The following ZBTB41 variants were observed in gnomAD, a reference collection of about 807,000 sequenced individuals.
ZBTB41 encodes the protein zinc finger and BTB domain-containing protein 41.
A neutral mutation model predicts 87.6 loss-of-function variants in ZBTB41; 42 were observed. The ratio of observed to expected loss-of-function variants is 0.48; its 90% CI spans 0.37 to 0.62. The LOEUF is 0.62. ZBTB41 is among the 20% of genes least tolerant of loss of function. The pLI, the probability that ZBTB41 is intolerant of heterozygous loss-of-function variation, is 0.00. For synonymous variants in ZBTB41, 364 were observed against 364.0 expected (o/e 1.00, Z 0.00); for missense variants, 799 against 1,078.9 (o/e 0.74, Z 3.63).
At chr1:197,180,688 C>T (rs552583378) in intron 6 of ZBTB41, among the ~76,000 whole-genome samples, 4 of 148,546 alleles carry the variant, frequency 2.7e-5, no homozygotes, top group Admixed American at 2.0e-4. Flanking sequence ...CATTTCTGTT[C>T]TCCCTATCTT....
In ZBTB41 at chr1:197,199,819, T is replaced by TA; in HGVS notation, c.654dup (p.Lys219Ter). 1.2e-6 allele frequency: 2 copies of TA among 1,610,772 alleles called. No homozygotes were observed. Among genetic ancestry groups the TA allele is most frequent in the Non-Finnish European group, 1.7e-6 (2 of 1,178,888 alleles). ...GCCAAATGATTCTCTAAAGACTTTT[T>TA]ATAACAAAAATGTCTACTACAGAAT... On this transcript the variant is annotated frameshift_variant, in exon 2 of 11. Coordinates refer to ENST00000367405, the MANE Select transcript of ZBTB41 (RefSeq NM_194314.3). LOFTEE classifies it high-confidence loss of function.
At chr1:197,163,997 G>A (rs1659258500) in intron 10 of ZBTB41, among the ~76,000 whole-genome samples, 1 of 151,874 alleles carries the variant, frequency 6.6e-6, no homozygotes. Flanking sequence ...TGGAAGAACA[G>A]TAAACAGTAA....
chr1:197,188,393 A>T lies in ZBTB41; in HGVS notation c.1445T>A (p.Met482Lys). 6.2e-7 allele frequency: 1 copy of T among 1,613,454 alleles called. No individual in the cohort carries two copies. Among genetic ancestry groups the T allele is most frequent in the Non-Finnish European group, 8.5e-7 (1 of 1,179,756 alleles). ...AGGTTTATCTTGAGAATGTAGAATC[A>T]TATGTTCCTCCAAGTGTGGTCTTCG... The part of the protein sequence containing the change: ...FTRRPHLEEH[M>K]ILHSQDKPFK... The change falls in exon 5 of 11, where the codon ATG becomes AAG. Residue 482 changes from methionine (M) to lysine (K), a missense_variant. Transcript: ENST00000367405.
chr1:197,164,124 A>C (rs192189918), intron 10 of ZBTB41, among the ~76,000 whole-genome samples: 6 of 152,242 alleles, frequency 3.9e-5, no homozygotes, highest in Admixed American at 1.3e-4. Flanking sequence ...ACAGATAAGA[A>C]AGATAAGGGT....
In ZBTB41 at chr1:197,199,745, C is replaced by A; in HGVS notation, c.729G>T (p.Met243Ile). The A allele has an allele frequency of 6.2e-7, 1 of 1,613,370 alleles. No homozygotes were observed. The highest frequency in any genetic ancestry group is 8.5e-7 in the Non-Finnish European group (1 of 1,179,860). Reference protein sequence around the residue: ...LLLGKKHGLKMLERSFSARRS... With the variant: ...LLLGKKHGLKILERSFSARRS... ...TTCTTGCGGAGAAACTTCTCTCCAGCATTTTTAACCCATGTTTTTTCCCTA... is the reference window on the plus strand; with the variant it reads ...TTCTTGCGGAGAAACTTCTCTCCAGAATTTTTAACCCATGTTTTTTCCCTA... Residue 243 changes from methionine to isoleucine, a missense_variant, in exon 2 of 11, where the codon ATG becomes ATT. By Grantham distance (10) the Met-to-Ile change is conservative (BLOSUM62 1). Coordinates refer to ENST00000367405, the MANE Select transcript of ZBTB41 (RefSeq NM_194314.3).
intron 6 of ZBTB41, among the ~76,000 whole-genome samples, chr1:197,178,807 G>A (rs1291061536): frequency 6.6e-6 from 1 of 152,112 alleles, no homozygotes; most frequent in African/African-American, 2.4e-5. Context: ...TGCTCATTAT[G>A]ACACTGAATT....
At chr1:197,201,130 G>C (rs1652779605) in intron 1 of ZBTB41, among the ~76,000 whole-genome samples, 93 bp downstream of exon 1, 1 of 152,208 alleles carries the variant, frequency 6.6e-6, no homozygotes, top group African/African-American at 2.4e-5. Flanking sequence ...AGCTTTCCCA[G>C]GCCCGGGCAA....
intron 9 of ZBTB41, 32 bp from the exon 10 acceptor site, chr1:197,172,280 T>C: frequency 2.5e-6 from 2 of 807,070 alleles, no homozygotes; most frequent in Non-Finnish European, 3.5e-6. Context: ...AGTTTTTCAA[T>C]ATAATTTTAA....
intron 10 of ZBTB41, among the ~76,000 whole-genome samples, chr1:197,168,161 AC>A (rs1037825697): frequency 1.3e-5 from 2 of 152,206 alleles, no homozygotes; most frequent in Non-Finnish European, 2.9e-5. Flanking sequence ...AAAATTTGAT[AC>A]AAAAATATCA....
intron 10 of ZBTB41, among the ~76,000 whole-genome samples, chr1:197,163,967 A>G (rs1410553661): frequency 6.6e-6 from 1 of 152,098 alleles, no homozygotes; most frequent in Non-Finnish European, 1.5e-5. Flanking sequence ...CTTTTCATGT[A>G]TAAGGAAAAT....
chr1:197,200,842 T>C (rs888102943), intron 1 of ZBTB41, among the ~76,000 whole-genome samples: 1 of 152,050 alleles, frequency 6.6e-6, no homozygotes, highest in Non-Finnish European at 1.5e-5. Flanking sequence ...AGGGTGAAAA[T>C]ACCCGGGCAG....
Position 197,159,453 on chromosome 1 carries a change from A to C in ZBTB41, c.2636T>G (p.Leu879Arg). The change falls in exon 11 of 11, where the codon CTA becomes CGA. Residue 879 changes from leucine (L) to arginine (R), a missense_variant. This residue lies in a region of ZBTB41 where 171 missense variants were observed against 191.9 expected (regional missense o/e 0.89). Coordinates refer to ENST00000367405, the MANE Select transcript of ZBTB41 (RefSeq NM_194314.3). ...AAGATAAGATTGTTCTCTAGGATCT[A>C]GCATTTGTTCAGGTCGAACTGGGTG... The part of the protein sequence containing the change: ...IVHPVRPEQM[L>R]DPREQSYLGT... 1 of 1,613,924 alleles carries C rather than the reference A, an allele frequency of 6.2e-7. No homozygotes were observed. Among genetic ancestry groups the C allele is most frequent in the Non-Finnish European group, 8.5e-7 (1 of 1,179,838 alleles).
At chr1:197,196,032 C>A (rs1660153983) in intron 2 of ZBTB41, among the ~76,000 whole-genome samples, 1 of 152,084 alleles carries the variant, frequency 6.6e-6, no homozygotes, top group African/African-American at 2.4e-5. Context: ...CAAAGTCAAG[C>A]CAGATACCAA....
chr1:197,168,766 A>T (rs1659408909), intron 10 of ZBTB41, among the ~76,000 whole-genome samples: 1 of 152,124 alleles, frequency 6.6e-6, no homozygotes, highest in Non-Finnish European at 1.5e-5. Flanking sequence ...GACGTCTTTA[A>T]ACTTCAAAAC....
chr1:197,172,263 AGATTT>A lies in ZBTB41; in HGVS notation c.1986-20_1986-16del. On this transcript the variant is annotated splice_polypyrimidine_tract_variant and intron_variant, in intron 9 of 10. Coordinates refer to ENST00000367405, the MANE Select transcript of ZBTB41 (RefSeq NM_194314.3). ...TTGCTTTATATCTAAGAAAATAAAA[AGATTT>A]GAGTTTTTCAATATAATTTTAATAA... 1 of 1,064,164 alleles carries A rather than the reference AGATTT, an allele frequency of 9.4e-7. No homozygotes were observed. The highest frequency in any genetic ancestry group is 1.3e-6 in the Non-Finnish European group (1 of 792,192). 65.9% of individuals were successfully genotyped at this position (1,064,164 alleles called of 1,614,324 possible).
chr1:197,178,976 A>G (rs890727403), intron 6 of ZBTB41, among the ~76,000 whole-genome samples: 2 of 152,116 alleles, frequency 1.3e-5, no homozygotes, highest in East Asian at 3.8e-4. Context: ...CTGATGTGAA[A>G]AAGGAACCTA....
At position 197,155,940 on chromosome 1, in the gene ZBTB41, T is replaced by C. The variant is rs534783494; in HGVS notation, c.*3419A>G. The C allele has an allele frequency of 1.9e-3, 296 of 152,300 alleles. No individual in the cohort carries two copies. Among genetic ancestry groups the C allele is most frequent in the African/African-American group, 6.9e-3 (286 of 41,492 alleles). The allele number at this position is 152,300 out of a possible 1,614,324, so 9.4% of individuals were successfully genotyped here. ...GATTTTAGGCTGCAAAAAAAATAGG[T>C]TGGGTTTCTTACAAAAATAACCTCA... is the stretch of plus-strand genomic sequence containing the variant. On this transcript the variant is annotated 3_prime_UTR_variant, in exon 11 of 11. Coordinates refer to ENST00000367405, the MANE Select transcript of ZBTB41 (RefSeq NM_194314.3).
chr1:197,181,262 C>A (rs1393248042), intron 5 of ZBTB41, 145 bp from the exon 6 acceptor site: 42 of 679,968 alleles, frequency 6.2e-5, no homozygotes, highest in East Asian at 5.8e-4. Flanking sequence ...GTTATTTATT[C>A]CTAGAATAAC....
chr1:197,197,583 GC>G (rs1660200790), intron 2 of ZBTB41, among the ~76,000 whole-genome samples: 2 of 19,638 alleles, frequency 1.0e-4, no homozygotes, highest in Admixed American at 7.7e-4. Context: ...GAGGGAGGGA[GC>G]GAGGGAGGGA....
Sources: gnomAD v4.1 joint callset for allele counts (sites outside exome capture counted in the v4.1 genomes callset) on GRCh38, gnomAD v4.1.1 for gene constraint, gnomAD v4.1.1 regional missense constraint, MANE v1.5 for transcripts, NCBI Gene and HGNC (gene_info 2026-07-23, HGNC 2026-07-21) for gene names.